YJU2B: variants seen among roughly 807,000 people sequenced by gnomAD.
YJU2B encodes the protein YJU2 splicing factor homolog B.
In YJU2B, 18 loss-of-function variants were observed where a neutral mutation model predicts 38.0. The observed-to-expected ratio is 0.47, with a 90% CI of 0.33 to 0.70. The LOEUF (loss-of-function observed/expected upper bound fraction) is 0.70. Among genes scored for constraint, YJU2B ranks in the 30% least tolerant of loss-of-function variants. The pLI, the probability that YJU2B is intolerant of heterozygous loss-of-function variation, is 0.02. For synonymous variants in YJU2B, 246 were observed against 225.4 expected (o/e 1.09, Z -0.82); for missense variants, 538 against 556.3 (o/e 0.97, Z 0.33).
chr19:13,762,487 TG>T, intron 9 of YJU2B, 50 bp downstream of exon 9: 1 of 1,596,280 alleles, frequency 6.3e-7, no homozygotes, highest in Non-Finnish European at 8.5e-7. Context: ...CAGAGTTGCC[TG>T]GAGATGGGGG....
At chr19:13,739,889 C>T (rs1393938578) in intron 2 of YJU2B, among the ~76,000 whole-genome samples, 4 of 152,128 alleles carry the variant, frequency 2.6e-5, no homozygotes, top group African/African-American at 9.7e-5. Flanking sequence ...TAATGCTCTT[C>T]CTCCCCTTGG....
At chr19:13,752,084 C>T (rs972639648) in intron 2 of YJU2B, among the ~76,000 whole-genome samples, 2 of 152,066 alleles carry the variant, frequency 1.3e-5, no homozygotes, top group African/African-American at 4.8e-5. Context: ...CTCACTGCAA[C>T]CTCCGCCTTC....
chr19:13,741,871 T>G (rs1973103945), intron 2 of YJU2B, among the ~76,000 whole-genome samples: 1 of 152,198 alleles, frequency 6.6e-6, no homozygotes, highest in South Asian at 2.1e-4. Context: ...GGAAGTTCCC[T>G]TATTTGACTG....
chr19:13,751,523 C>T (rs572518971), intron 1 of YJU2B, 85 bp from the exon 2 acceptor site: 7 of 458,878 alleles, frequency 1.5e-5, no homozygotes, highest in Admixed American at 3.7e-5. Flanking sequence ...GTGCTGGACC[C>T]GGTGGGGGCC....
chr19:13,758,581 A>C (rs1973756935), intron 6 of YJU2B, among the ~76,000 whole-genome samples: 1 of 152,254 alleles, frequency 6.6e-6, no homozygotes, highest in South Asian at 2.1e-4. Context: ...TGAATGAACA[A>C]ATGAATTAAC....
At chr19:13,743,352 G>A (rs1599498509), upstream of YJU2B, among the ~76,000 whole-genome samples, 1 of 152,274 alleles carries the variant, frequency 6.6e-6, no homozygotes, top group East Asian at 1.9e-4. Context: ...GGCCAAGATG[G>A]GAGGATTACC....
chr19:13,750,926 C>A (rs1015184446), intron 1 of YJU2B, among the ~76,000 whole-genome samples: 1 of 151,062 alleles, frequency 6.6e-6, no homozygotes, highest in African/African-American at 2.4e-5. Flanking sequence ...CAGGTGCAGG[C>A]CAGCTGCACT....
intron 8 of YJU2B, among the ~76,000 whole-genome samples, chr19:13,759,964 G>C (rs567178702): frequency 8.5e-5 from 13 of 152,148 alleles, no homozygotes; most frequent in African/African-American, 3.1e-4. Flanking sequence ...CGCACAGCTA[G>C]TATTCTTAGT....
rs748565758 is a variant in YJU2B, at chr19:13,762,848, A to C, written c.971A>C (p.Glu324Ala). 13 of 1,607,016 alleles carry C rather than the reference A, an allele frequency of 8.1e-6. No individual in the cohort carries two copies. Among genetic ancestry groups the C allele is most frequent in the Non-Finnish European group, 1.1e-5 (13 of 1,177,516 alleles). ...PKSGEPRVPE[E>A]AAQDRPMSPG... ...TCTGGGGAACCGCGGGTACCAGAGG[A>C]GGCTGCCCAGGACCGGCCCATGTCC... Residue 324 changes from glutamate (E) to alanine (A), a missense_variant, in exon 10 of 10, where the codon GAG (glutamate) becomes GCG (alanine). By Grantham distance (107) the Glu-to-Ala change is moderately radical. Around this residue, in one of 2 missense-constraint regions of YJU2B, gnomAD observed 488 missense variants for 469.5 expected, o/e 1.04. Coordinates refer to ENST00000221554, the MANE Select transcript of YJU2B (RefSeq NM_030818.4).
Position 13,751,698 on chromosome 19 carries a change from C to T in YJU2B, c.-111C>T, listed in dbSNP as rs1973471949. The T allele has an allele frequency of 8.5e-7, 1 of 1,173,278 alleles. No individual in the cohort carries two copies. The allele number at this position is 1,173,278 out of a possible 1,614,324, so 72.7% of individuals were successfully genotyped here. On this transcript the variant is annotated 5_prime_UTR_variant, in exon 2 of 10. Coordinates refer to ENST00000221554, the MANE Select transcript of YJU2B (RefSeq NM_030818.4). Reference sequence around the variant, plus strand: ...GGCCCACGACATCTTCGCAGGGAAGCCTGTGGACCCTCTGCCAGGCTCCAC... The same window carrying T: ...GGCCCACGACATCTTCGCAGGGAAGTCTGTGGACCCTCTGCCAGGCTCCAC...
upstream of YJU2B, among the ~76,000 whole-genome samples, chr19:13,745,694 T>TAGATAGATAC (rs1555699820): frequency 2.7e-5 from 1 of 37,138 alleles, no homozygotes; most frequent in Non-Finnish European, 5.3e-5. Context: ...TAGATAGATA[T>TAGATAGATAC]AGATATATAG....
intron 3 of YJU2B, among the ~76,000 whole-genome samples, chr19:13,755,068 G>A (rs1039534630): frequency 1.3e-5 from 2 of 151,924 alleles, no homozygotes; most frequent in Non-Finnish European, 2.9e-5. Flanking sequence ...GGAGGCTGAG[G>A]TGGGAGGATT....
At chr19:13,760,003 G>A (rs1451468530) in intron 8 of YJU2B, among the ~76,000 whole-genome samples, 1 of 152,060 alleles carries the variant, frequency 6.6e-6, no homozygotes, top group African/African-American at 2.4e-5. Flanking sequence ...TGTTGGTCAG[G>A]CAGGTCTCAA....
Position 13,741,157 on chromosome 19 carries a change from T to C in YJU2B, c.-202+8872T>C, listed in dbSNP as rs1224258047. ...CTTTGGCTTTTATAGATTTCTTTTT[T>C]TTTTTTTTTTTTTTGAGACGGAGTT... On this transcript the variant is annotated intron_variant, in intron 2 of 10. Coordinates refer to the YJU2B transcript ENST00000586600. Among the ~76,000 whole-genome samples the C allele has an allele frequency of 5.4e-5, 8 of 148,380 alleles. No homozygotes were observed. In the South Asian group the frequency reaches 1.5e-3, roughly 28 times the overall value.
rs1445033982 is a variant in YJU2B, at chr19:13,751,817, T to C, written c.3+6T>C. 2 of 1,613,872 alleles carry C rather than the reference T, an allele frequency of 1.2e-6. No homozygotes were observed. Among genetic ancestry groups the C allele is most frequent in the African/African-American group, 1.3e-5 (1 of 74,870 alleles). ...AGTAGGCAGCTCCCAAGATGGTGAG[T>C]AGACAGCCTCGTGTGCCCTGGGTTT... is the stretch of plus-strand genomic sequence containing the variant. On this transcript the variant is annotated splice_donor_region_variant and intron_variant, in intron 2 of 9. Transcript: ENST00000221554.
At chr19:13,756,158 C>A in intron 3 of YJU2B, 39 bp from the exon 4 acceptor site, 1 of 1,552,736 alleles carries the variant, frequency 6.4e-7, no homozygotes, top group Non-Finnish European at 8.9e-7. Context: ...GCTCCTCCAG[C>A]TCAGCAGCAC....
intron 2 of YJU2B, among the ~76,000 whole-genome samples, chr19:13,734,687 C>G (rs1972900870): frequency 6.6e-6 from 1 of 152,198 alleles, no homozygotes; most frequent in Admixed American, 6.6e-5. Context: ...CTCCTGGGCT[C>G]AAAGGGTCCT....
intron 2 of YJU2B, among the ~76,000 whole-genome samples, chr19:13,741,831 A>G (rs1973103239): frequency 1.3e-5 from 2 of 152,042 alleles, no homozygotes; most frequent in African/African-American, 4.8e-5. Context: ...GTTTCTCCCC[A>G]TCTCCCAAGC....
intron 1 of YJU2B, among the ~76,000 whole-genome samples, chr19:13,748,602 GTA>G (rs2145120272): frequency 6.6e-6 from 1 of 152,310 alleles, no homozygotes; most frequent in East Asian, 1.9e-4. Flanking sequence ...TGTAAACGGA[GTA>G]TTTGCTCTTT....
Sources: allele counts gnomAD v4.1 joint callset (sites outside exome capture counted in the v4.1 genomes callset), GRCh38; gene constraint gnomAD v4.1.1; regional missense constraint gnomAD v4.1.1; transcripts MANE v1.5; gene names NCBI Gene and HGNC (gene_info 2026-07-23, HGNC 2026-07-21).